The following CETP variants were observed in gnomAD, a reference collection of about 807,000 sequenced individuals.
CETP encodes the protein BPI fold containing family F.
A neutral mutation model predicts 66.5 loss-of-function variants in CETP; 56 were observed. That is an observed-to-expected ratio of 0.84 (90% CI 0.68 to 1.05). CETP has a LOEUF of 1.05. Among genes scored for constraint, CETP ranks in the 50% least tolerant of loss-of-function variants. CETP has a pLI of 0.00. For missense variants in CETP, 612 were observed against 609.6 expected, an observed-to-expected ratio of 1.00 and a Z score of -0.04; for synonymous variants, 251 against 245.7, an observed-to-expected ratio of 1.02 and a Z score of -0.20.
chr16:56,980,733 C>A (rs2056181554), intron 11 of CETP, among the ~76,000 whole-genome samples: 1 of 152,012 alleles, frequency 6.6e-6, no homozygotes, highest in Non-Finnish European at 1.5e-5. Context: ...ACCAGCCTGG[C>A]CAATATGATG....
intron 14 of CETP, 77 bp downstream of exon 14, chr16:56,982,314 G>A: frequency 1.4e-6 from 2 of 1,406,692 alleles, no homozygotes; most frequent in Non-Finnish European, 2.0e-6. Context: ...CCCTTCCCAG[G>A]CAGAGCTTCA....
chr16:56,974,465 C>A (rs199796310), intron 9 of CETP, among the ~76,000 whole-genome samples: 39 of 152,122 alleles, frequency 2.6e-4, no homozygotes, highest in East Asian at 1.5e-3. Context: ...AAAATACAGT[C>A]CAGCATTTAT....
intron 7 of CETP, 25 bp from the exon 8 acceptor site, chr16:56,971,967 C>A (rs546462758): frequency 6.2e-7 from 1 of 1,605,194 alleles, no homozygotes; most frequent in Non-Finnish European, 8.5e-7. Context: ...TCCTGAGGCC[C>A]TGCGTTGATC....
In CETP at chr16:56,969,464, GA is replaced by G. The variant is rs1567470998; in HGVS notation, c.314del (p.Asn105ThrfsTer10). The G allele has an allele frequency of 1.2e-6, 2 of 1,614,078 alleles. No homozygotes were observed. The highest frequency in any genetic ancestry group is 1.7e-6 in the Non-Finnish European group (2 of 1,180,048). ...EAKSIDVSIQNVSVVFKGTLK... is the reference protein window; with the variant it reads ...EAKSIDVSIQXVSVVFKGTLK... ...CCAAGTCCATTGATGTCTCCATTCA[GA>G]ACGTGTCTGTGGTCTTCAAGGGGAC... On this transcript the variant is annotated frameshift_variant, in exon 3 of 16. Coordinates refer to ENST00000200676, the MANE Select transcript of CETP (RefSeq NM_000078.3). LOFTEE classifies it high-confidence loss of function.
chr16:56,971,664 GA>G (rs2056111308), intron 7 of CETP, among the ~76,000 whole-genome samples: 1 of 152,106 alleles, frequency 6.6e-6, no homozygotes, highest in South Asian at 2.1e-4. Flanking sequence ...AGTAGATTAG[GA>G]AAAAAGATAA....
At chr16:56,981,058 C>A in intron 11 of CETP, 100 bp from the exon 12 acceptor site, 1 of 880,204 alleles carries the variant, frequency 1.1e-6, no homozygotes, top group South Asian at 1.3e-5. Context: ...CTTGCCTCTC[C>A]AGTCCCTCAG....
At chr16:56,976,178 A>G (rs1216737761) in intron 10 of CETP, among the ~76,000 whole-genome samples, 1 of 151,846 alleles carries the variant, frequency 6.6e-6, no homozygotes, top group Non-Finnish European at 1.5e-5. Context: ...CATTATCTCT[A>G]GTGGGGACCC....
chr16:56,968,383 C>T (rs890179147), intron 2 of CETP, among the ~76,000 whole-genome samples: 3 of 152,114 alleles, frequency 2.0e-5, no homozygotes, highest in African/African-American at 4.8e-5. Context: ...GACGAGATTT[C>T]ACCATGTTGG....
chr16:56,970,289 C>A (rs1307720548), intron 5 of CETP, among the ~76,000 whole-genome samples: 1 of 152,186 alleles, frequency 6.6e-6, no homozygotes, highest in Non-Finnish European at 1.5e-5. Flanking sequence ...TCCTTAAAAC[C>A]AACCCTAGGA....
chr16:56,978,318 G>A, intron 11 of CETP, 63 bp downstream of exon 11: 1 of 1,602,732 alleles, frequency 6.2e-7, no homozygotes, highest in Non-Finnish European at 8.5e-7. Flanking sequence ...GCCGCAGAGG[G>A]CAGGGGCCTG....
At chr16:56,963,511 G>A (rs1014473127) in intron 2 of CETP, among the ~76,000 whole-genome samples, 1 of 152,104 alleles carries the variant, frequency 6.6e-6, no homozygotes, top group Non-Finnish European at 1.5e-5. Flanking sequence ...TGCTATGTTG[G>A]CCAGGTTGGT....
At position 56,981,632 on chromosome 16, in the gene CETP, G is replaced by T. The variant is rs7196174; in HGVS notation, c.1215-15G>T. 3.5e-3 allele frequency: 5,611 copies of T among 1,613,768 alleles called. 186 individuals are homozygous for T. In the African/African-American group the frequency reaches 0.065, roughly 19 times the overall value. ...CCCAATGGAGGGTCAAATTATCATC[G>T]CTTTTTTATTTCAGGATTACACCAA... On this transcript the variant is annotated splice_polypyrimidine_tract_variant and intron_variant, in intron 12 of 15. Coordinates refer to ENST00000200676, the MANE Select transcript of CETP (RefSeq NM_000078.3).
intron 1 of CETP, 56 bp from the exon 2 acceptor site, chr16:56,962,954 G>A: frequency 2.0e-6 from 3 of 1,491,110 alleles, no homozygotes; most frequent in Non-Finnish European, 2.8e-6. Context: ...GTTGGGGGTG[G>A]GAGCAGGGGG....
intron 2 of CETP, 36 bp downstream of exon 2, chr16:56,963,160 A>T (rs9935228): frequency 3.3e-6 from 5 of 1,532,668 alleles, no homozygotes; most frequent in Non-Finnish European, 3.6e-6. Flanking sequence ...GGCTGGGGGT[A>T]GGGAGGCGGG....
Position 56,981,825 on chromosome 16 carries a change from C to T in CETP, c.1248+145C>T, listed in dbSNP as rs914778181. 2.6e-5 allele frequency: 21 copies of T among 793,650 alleles called. No individual in the cohort carries two copies. In the African/African-American group the frequency reaches 2.9e-4, roughly 11 times the overall value. 49.2% of individuals were successfully genotyped at this position (793,650 alleles called of 1,614,324 possible). On this transcript the variant is annotated intron_variant, in intron 13 of 15. Transcript: ENST00000200676. ...GGTCCATGCTGTGTCTCTTGTGACCCTTCTTCTCCCTGCCATGTCTTTTGG... is the reference window on the plus strand; with the variant it reads ...GGTCCATGCTGTGTCTCTTGTGACCTTTCTTCTCCCTGCCATGTCTTTTGG...
intron 4 of CETP, 58 bp downstream of exon 4, chr16:56,969,739 C>T: frequency 6.3e-7 from 1 of 1,597,608 alleles, no homozygotes; most frequent in Non-Finnish European, 8.6e-7. Context: ...TTGGCCTCAG[C>T]AGAGGGGGAG....
At chr16:56,975,550 C>T (rs2056143619) in intron 10 of CETP, among the ~76,000 whole-genome samples, 1 of 152,228 alleles carries the variant, frequency 6.6e-6, no homozygotes, top group Non-Finnish European at 1.5e-5. Flanking sequence ...CTGTTGATTA[C>T]TCCTGATCCC....
At chr16:56,981,303 G>T in intron 12 of CETP, 78 bp downstream of exon 12, 1 of 1,158,896 alleles carries the variant, frequency 8.6e-7, no homozygotes, top group Non-Finnish European at 1.3e-6. Context: ...GCACAGGGCG[G>T]GGTGTTGGTG....
At chr16:56,976,174 C>T (rs2142002529) in intron 10 of CETP, among the ~76,000 whole-genome samples, 1 of 152,300 alleles carries the variant, frequency 6.6e-6, no homozygotes, top group South Asian at 2.1e-4. Context: ...CTACCATTAT[C>T]TCTAGTGGGG....
Sources: gnomAD v4.1 joint callset for allele counts (sites outside exome capture counted in the v4.1 genomes callset) on GRCh38, gnomAD v4.1.1 for gene constraint, MANE v1.5 for transcripts, NCBI Gene and HGNC (gene_info 2026-07-23, HGNC 2026-07-21) for gene names.